Variants in NOL10 observed in about 807,000 individuals in gnomAD.
The protein encoded by NOL10 is nucleolar protein 10, also known as H_NH0074G24.1.
NOL10 carries 58 observed loss-of-function variants against 103.5 expected under a neutral mutation model. The observed-to-expected ratio is 0.56, with a 90% CI of 0.45 to 0.70. NOL10 has a LOEUF of 0.70. NOL10 is among the 30% of genes least tolerant of loss of function. NOL10 has a pLI of 0.00. For synonymous variants in NOL10, 287 were observed against 282.5 expected (o/e 1.02, Z -0.16); for missense variants, 763 against 807.3 (o/e 0.95, Z 0.67).
intron 8 of NOL10, among the ~76,000 whole-genome samples, chr2:10,664,598 G>A (rs188236907): frequency 1.3e-5 from 2 of 152,156 alleles, no homozygotes; most frequent in Admixed American, 1.3e-4. Context: ...TGGAGTGCAG[G>A]GCACAATCAC....
intron 19 of NOL10, among the ~76,000 whole-genome samples, chr2:10,584,859 G>A (rs191344922): frequency 2.4e-4 from 36 of 152,132 alleles, no homozygotes; most frequent in African/African-American, 8.4e-4. Flanking sequence ...TATTCACCTC[G>A]CTATGGGTTA....
intron 6 of NOL10, among the ~76,000 whole-genome samples, chr2:10,669,387 C>G (rs1680764114): frequency 6.7e-6 from 1 of 149,506 alleles, no homozygotes; most frequent in South Asian, 2.1e-4. Flanking sequence ...CCATGCCCAG[C>G]CTGAATTTTT....
At chr2:10,676,455 A>T (rs80061547) in intron 3 of NOL10, among the ~76,000 whole-genome samples, 2,240 of 152,352 alleles carry the variant, frequency 0.015, 21 homozygotes, top group Middle Eastern at 0.02. Context: ...AAATCCACAC[A>T]AGGGAATATT....
chr2:10,625,047 A>C (rs1198427398), intron 13 of NOL10, among the ~76,000 whole-genome samples: 1 of 152,232 alleles, frequency 6.6e-6, no homozygotes, highest in Non-Finnish European at 1.5e-5. Flanking sequence ...GTATGATTTC[A>C]GCTATATGAC....
chr2:10,659,949 A>G (rs913081588), intron 9 of NOL10, among the ~76,000 whole-genome samples: 3 of 152,172 alleles, frequency 2.0e-5, no homozygotes, highest in African/African-American at 7.2e-5. Context: ...AAAGTACCAA[A>G]GACAGAGTGA....
At position 10,668,705 on chromosome 2, in the gene NOL10, TA is replaced by T; in HGVS notation, c.482del (p.Leu161Ter). 6.5e-7 allele frequency: 1 copy of T among 1,536,704 alleles called. No homozygotes were observed. The highest frequency in any genetic ancestry group is 8.9e-7 in the Non-Finnish European group (1 of 1,129,252). ...FVGASSEVYR[L>X]NLEQGRYLNP... ...TCAGGTATCGTCCTTGTTCTAAGTT[TA>T]ACCTATAAACTTCAGAACTGTAAAG... On this transcript the variant is annotated frameshift_variant, in exon 7 of 21. Transcript: ENST00000381685. LOFTEE classifies it high-confidence loss of function.
At chr2:10,574,891 C>T (rs931301581) in intron 20 of NOL10, among the ~76,000 whole-genome samples, 3 of 152,196 alleles carry the variant, frequency 2.0e-5, no homozygotes, top group Non-Finnish European at 4.4e-5. Context: ...AAGGTAGGAG[C>T]TTCAAGAGGA....
chr2:10,656,283 G>A (rs1412679676), intron 11 of NOL10, among the ~76,000 whole-genome samples: 1 of 152,148 alleles, frequency 6.6e-6, no homozygotes, highest in Non-Finnish European at 1.5e-5. Flanking sequence ...TCTGGTCTAA[G>A]ATCATGAATC....
chr2:10,613,998 C>T (rs1378403237), intron 13 of NOL10, among the ~76,000 whole-genome samples: 4 of 150,720 alleles, frequency 2.7e-5, no homozygotes, highest in Non-Finnish European at 2.9e-5. Flanking sequence ...CTCACTCTGT[C>T]ACCCAGGCTG....
rs775223219 is a variant in NOL10 at position 10,663,000 on chromosome 2, GC to G, written c.635del (p.Gly212AlafsTer3). On this transcript the variant is annotated frameshift_variant, in exon 9 of 21. Coordinates refer to ENST00000381685, the MANE Select transcript of NOL10 (RefSeq NM_024894.4). LOFTEE classifies it high-confidence loss of function. The part of the protein sequence containing the change: ...CWDPRTRNRV[G>X]LLDCALNSVT... ...CACTGTTTAAGGCGCAGTCTAACAG[GC>G]CAACTCTGTTTCGAGTTCTTGGGTC... 1.8e-5 allele frequency: 29 copies of G among 1,613,798 alleles called. No homozygotes were observed. Among genetic ancestry groups the G allele is most frequent in the Non-Finnish European group, 2.4e-5 (28 of 1,179,776 alleles).
At chr2:10,668,839 G>A in intron 6 of NOL10, 116 bp from the exon 7 acceptor site, 1 of 371,198 alleles carries the variant, frequency 2.7e-6, no homozygotes, top group Non-Finnish European at 4.9e-6. Flanking sequence ...TTGTAACACT[G>A]ATACAAAAAC....
chr2:10,600,444 A>G (rs2148182845), intron 17 of NOL10, among the ~76,000 whole-genome samples: 1 of 152,380 alleles, frequency 6.6e-6, no homozygotes, highest in South Asian at 2.1e-4. Context: ...AGAAGGATTG[A>G]GTAAATTATA....
intron 13 of NOL10, among the ~76,000 whole-genome samples, chr2:10,624,828 T>A (rs1677360014): frequency 2.0e-5 from 3 of 152,156 alleles, no homozygotes; most frequent in Non-Finnish European, 1.5e-5. Flanking sequence ...ACGAGAATGT[T>A]TAGAGCGGCT....
At chr2:10,685,980 G>C (rs913434469) in intron 1 of NOL10, among the ~76,000 whole-genome samples, 1 of 117,496 alleles carries the variant, frequency 8.5e-6, no homozygotes, top group African/African-American at 2.6e-5. Flanking sequence ...AAGAATCATT[G>C]AGCCCAGAGA....
chr2:10,618,750 T>C (rs1158045155), intron 13 of NOL10, among the ~76,000 whole-genome samples: 1 of 152,134 alleles, frequency 6.6e-6, no homozygotes, highest in African/African-American at 2.4e-5. Context: ...AACAAATAAA[T>C]TGGAAAGATG....
At chr2:10,618,255 T>A (rs1213572556) in intron 13 of NOL10, among the ~76,000 whole-genome samples, 1 of 135,536 alleles carries the variant, frequency 7.4e-6, no homozygotes, top group Non-Finnish European at 1.6e-5. Flanking sequence ...TAAAAAAAAA[T>A]GAATTAAGGA....
chr2:10,601,286 G>A (rs11687023), intron 16 of NOL10, among the ~76,000 whole-genome samples: 89,955 of 151,994 alleles, frequency 0.59, 27,630 homozygotes, highest in African/African-American at 0.74. Flanking sequence ...GACAGTCTCG[G>A]TCTCCTGACC....
chr2:10,600,885 T>C lies in NOL10; in HGVS notation c.1390A>G (p.Lys464Glu). 1 of 1,556,912 alleles carries C rather than the reference T, an allele frequency of 6.4e-7. No homozygotes were observed. Among genetic ancestry groups the C allele is most frequent in the South Asian group, 1.2e-5 (1 of 84,042 alleles). ...ALKLIEEEEE[K>E]QKSTWKKKVK... is the part of the protein sequence containing the mutation. ...TTCTTTTTCCATGTAGATTTCTGCT[T>C]CTCCTCTTCTTCCTCAATTAATTTA... The change falls in exon 17 of 21, where the codon AAG becomes GAG. Residue 464 changes from lysine (K) to glutamate (E), a missense_variant. Transcript: ENST00000381685.
At chr2:10,620,884 C>G (rs1390532307) in intron 13 of NOL10, among the ~76,000 whole-genome samples, 1 of 152,146 alleles carries the variant, frequency 6.6e-6, no homozygotes, top group Admixed American at 6.6e-5. Context: ...CCACTTCCAC[C>G]TCCTGGGCTC....
Sources: allele counts gnomAD v4.1 joint callset (sites outside exome capture counted in the v4.1 genomes callset), GRCh38; gene constraint gnomAD v4.1.1; transcripts MANE v1.5; gene names NCBI Gene and HGNC (gene_info 2026-07-23, HGNC 2026-07-21).